Variants in NDE1 observed in about 807,000 individuals in gnomAD.
NDE1 encodes the protein nuclear distribution protein nudE homolog 1.
Under a neutral mutation model 43.4 loss-of-function variants are expected in NDE1, and 28 were observed. The ratio of observed to expected loss-of-function variants is 0.65; its 90% CI spans 0.48 to 0.89. The LOEUF is 0.89. NDE1 is among the 40% of genes least tolerant of loss of function. The probability of loss-of-function intolerance (pLI) is 0.00; values close to 1 mark genes in which losing one functional copy is unlikely to be tolerated. For missense variants in NDE1, 441 were observed against 434.1 expected (o/e 1.02, Z -0.14); for synonymous variants, 184 against 172.0 (o/e 1.07, Z -0.55).
intron 3 of NDE1, among the ~76,000 whole-genome samples, chr16:15,670,097 C>T (rs956554147): frequency 6.6e-6 from 1 of 152,188 alleles, no homozygotes; most frequent in Non-Finnish European, 1.5e-5. Context: ...CCCATCTCCC[C>T]GCCTTGCTCT....
chr16:15,675,478 C>T (rs1303826954), intron 3 of NDE1, among the ~76,000 whole-genome samples: 3 of 150,580 alleles, frequency 2.0e-5, no homozygotes, highest in Non-Finnish European at 2.9e-5. Context: ...ACTCTGTGGC[C>T]TGGGCGGGAG....
intron 7 of NDE1, chr16:15,695,658 C>T (rs2038976540): frequency 1.0e-6 from 1 of 985,226 alleles, no homozygotes; most frequent in African/African-American, 1.7e-5. Flanking sequence ...CATAATTTAA[C>T]TCCTACCAAG....
chr16:15,658,203 A>G (rs1409313299), intron 1 of NDE1, among the ~76,000 whole-genome samples: 4 of 152,148 alleles, frequency 2.6e-5, no homozygotes, highest in African/African-American at 9.7e-5. Flanking sequence ...GCTTACCTCC[A>G]GCTTCAGGCT....
intron 1 of NDE1, among the ~76,000 whole-genome samples, chr16:15,661,820 G>A (rs910532150): frequency 6.6e-6 from 1 of 152,112 alleles, no homozygotes; most frequent in African/African-American, 2.4e-5. Flanking sequence ...CCCAGAAGAT[G>A]TCCTCACCTC....
intron 4 of NDE1, chr16:15,684,100 A>T (rs1379393097): frequency 6.6e-6 from 1 of 151,948 alleles, no homozygotes; most frequent in Non-Finnish European, 1.5e-5. Context: ...GCATGGTGGC[A>T]GGCGCCTGTA....
intron 4 of NDE1, among the ~76,000 whole-genome samples, chr16:15,682,572 A>G (rs190016595): frequency 6.6e-6 from 1 of 152,318 alleles, no homozygotes; most frequent in East Asian, 1.9e-4. Flanking sequence ...ATAACCTTGA[A>G]AAGTGTGCAG....
chr16:15,660,111 G>A (rs1364390543), intron 1 of NDE1, among the ~76,000 whole-genome samples: 6 of 152,066 alleles, frequency 3.9e-5, no homozygotes, highest in Non-Finnish European at 2.9e-5. Context: ...AATAAATTCA[G>A]AAAATAGGTG....
intron 8 of NDE1, chr16:15,704,145 A>G: frequency 6.2e-7 from 1 of 1,613,536 alleles, no homozygotes; most frequent in Non-Finnish European, 8.5e-7. Flanking sequence ...AAGAAAACAC[A>G]TTATTTAGCA....
rs368583753 is a variant in NDE1 at position 15,703,913 on chromosome 16, GGTT to G, written c.947+7061_947+7063del. 682 of 1,594,472 alleles carry G rather than the reference GGTT, an allele frequency of 4.3e-4. 11 individuals are homozygous for G. The South Asian group carries it at 6.0e-3, about 14-fold the overall frequency. Reference sequence around the variant, plus strand: ...GTCTGCTGGGTTTTGCTTTGTTCTGGGTTGTTGTTGGGTTTTTTTTGTTTGTTT... The same window carrying G: ...GTCTGCTGGGTTTTGCTTTGTTCTGGGTTGTTGGGTTTTTTTTGTTTGTTT... On this transcript the variant is annotated intron_variant, in intron 8 of 8. Transcript: ENST00000396354.
Position 15,697,802 on chromosome 16 carries a change from T to TTTTTG in NDE1, c.947+957_947+961dup, listed in dbSNP as rs1173612925. Among the ~76,000 whole-genome samples, 5 of 152,144 alleles carry TTTTTG rather than the reference T, an allele frequency of 3.3e-5. No homozygotes were observed. The East Asian group carries it at 5.8e-4, about 18-fold the overall frequency. Reference sequence around the variant, plus strand: ...GGCTCTGCTTCCCCTGAAGTTTTTTTTTTTGTTTTGTTTTGTTTTTTTTTT... The same window carrying TTTTTG: ...GGCTCTGCTTCCCCTGAAGTTTTTTTTTTTGTTTTGTTTTGTTTTGTTTTTTTTTT... On this transcript the variant is annotated intron_variant, in intron 8 of 8. Coordinates refer to ENST00000396354, the MANE Select transcript of NDE1 (RefSeq NM_017668.3).
chr16:15,705,484 G>A (rs144836188), intron 8 of NDE1, among the ~76,000 whole-genome samples: 7 of 152,326 alleles, frequency 4.6e-5, no homozygotes, highest in South Asian at 2.1e-4. Flanking sequence ...AGCCTTCACC[G>A]TTCAGAAGAA....
In NDE1 at chr16:15,667,528, G is replaced by C; in HGVS notation, c.237+89G>C. 3 of 1,499,440 alleles carry C rather than the reference G, an allele frequency of 2.0e-6. No individual in the cohort carries two copies. In the East Asian group the frequency reaches 7.1e-5, roughly 35 times the overall value. The allele number at this position is 1,499,440 out of a possible 1,614,324, so 92.9% of individuals were successfully genotyped here. A position where few individuals can be genotyped will look rare whatever the true frequency, so the allele number is the denominator to read the frequency against. ...TGGCTGGAAGAAGGAACCCTGCAAT[G>C]AGGGACTCCAGACCCCAGGCCCATG... On this transcript the variant is annotated intron_variant, in intron 3 of 8. Coordinates refer to ENST00000396354, the MANE Select transcript of NDE1 (RefSeq NM_017668.3).
chr16:15,666,248 T>A (rs2037301172), intron 2 of NDE1, among the ~76,000 whole-genome samples: 1 of 152,088 alleles, frequency 6.6e-6, no homozygotes, highest in Admixed American at 6.6e-5. Context: ...TTGGCACTGT[T>A]TTTATTTATA....
At chr16:15,703,947 G>A (rs376557282) in intron 8 of NDE1, 179 of 1,612,766 alleles carry the variant, frequency 1.1e-4, no homozygotes, top group Non-Finnish European at 1.4e-4. Flanking sequence ...TGTTTGTTTT[G>A]GTTTTTGGTT....
At chr16:15,664,920 A>G (rs2037226964) in intron 2 of NDE1, 59 bp downstream of exon 2, 4 of 1,327,536 alleles carry the variant, frequency 3.0e-6, no homozygotes, top group South Asian at 2.3e-5. Flanking sequence ...GGGTCCTGCT[A>G]TGTTACCTAG....
At chr16:15,700,731 C>A (rs1413044445) in intron 8 of NDE1, among the ~76,000 whole-genome samples, 1 of 151,938 alleles carries the variant, frequency 6.6e-6, no homozygotes, top group Non-Finnish European at 1.5e-5. Flanking sequence ...AATTACAGGC[C>A]TGAGCCACCG....
intron 1 of NDE1, among the ~76,000 whole-genome samples, chr16:15,663,013 A>G (rs112814592): frequency 2.0e-5 from 3 of 152,178 alleles, no homozygotes; most frequent in African/African-American, 7.2e-5. Context: ...TCTCTTCCCT[A>G]ACTTTCTCCA....
chr16:15,687,892 T>G (rs1161379152), intron 5 of NDE1, among the ~76,000 whole-genome samples: 1 of 152,188 alleles, frequency 6.6e-6, no homozygotes, highest in East Asian at 1.9e-4. Context: ...CAGAGAGTTT[T>G]GTGGGGAGAT....
intron 8 of NDE1, chr16:15,700,228 C>A: frequency 1.9e-6 from 1 of 519,608 alleles, no homozygotes; most frequent in Non-Finnish European, 2.5e-6. Flanking sequence ...TTCCAGGTAG[C>A]TGGGATTACA....
Sources: gnomAD v4.1 joint callset for allele counts (sites outside exome capture counted in the v4.1 genomes callset) on GRCh38, gnomAD v4.1.1 for gene constraint, MANE v1.5 for transcripts, NCBI Gene and HGNC (gene_info 2026-07-23, HGNC 2026-07-21) for gene names.